Variants in PPP1R13L observed in about 807,000 individuals in gnomAD.
PPP1R13L encodes relA-associated inhibitor.
Under a neutral mutation model 80.9 loss-of-function variants are expected in PPP1R13L, and 50 were observed. The observed-to-expected ratio is 0.62, with a 90% CI of 0.49 to 0.78. The LOEUF is 0.78. Among genes scored for constraint, PPP1R13L ranks in the 30% least tolerant of loss-of-function variants. The pLI, the probability that PPP1R13L is intolerant of heterozygous loss-of-function variation, is 0.00. For missense variants in PPP1R13L, 1,200 were observed against 1,205.9 expected (o/e 1.00, Z 0.07); for synonymous variants, 602 against 534.3 (o/e 1.13, Z -1.75).
chr19:45,395,272 G>T, intron 7 of PPP1R13L, 164 bp downstream of exon 7: 1 of 919,554 alleles, frequency 1.1e-6, no homozygotes, highest in Non-Finnish European at 1.7e-6. Context: ...GCTATCCCTG[G>T]CTCCTACCCA....
chr19:45,389,354 C>T (rs533757681), intron 8 of PPP1R13L, among the ~76,000 whole-genome samples: 16 of 152,250 alleles, frequency 1.1e-4, no homozygotes, highest in South Asian at 8.3e-4. Context: ...CCGCTGTCTA[C>T]GCACACGGAG....
chr19:45,404,925 C>T (rs1289151245), intron 1 of PPP1R13L, 74 bp downstream of exon 1: 1 of 921,234 alleles, frequency 1.1e-6, no homozygotes, highest in East Asian at 1.2e-4. Flanking sequence ...CGTCCGAGTC[C>T]CCTCCCAATC....
chr19:45,391,198 GAA>G (rs35572673), intron 8 of PPP1R13L, among the ~76,000 whole-genome samples: 1,682 of 143,850 alleles, frequency 0.012, 24 homozygotes, highest in African/African-American at 0.039. Context: ...ACTCTGCCTG[GAA>G]AAAAAAAAAA....
At position 45,380,179 on chromosome 19, in the gene PPP1R13L, CT is replaced by C; in HGVS notation, c.*10del. ...TGTTTCTGTCAGCCTCAGAAACCTC[CT>C]TCTATCCTGCTAGACTTTACTCCTT... On this transcript the variant is annotated 3_prime_UTR_variant, in exon 13 of 13. Coordinates refer to ENST00000360957, the MANE Select transcript of PPP1R13L (RefSeq NM_006663.4). The C allele has an allele frequency of 6.2e-7, 1 of 1,613,902 alleles. No individual in the cohort carries two copies. Among genetic ancestry groups the C allele is most frequent in the Non-Finnish European group, 8.5e-7 (1 of 1,179,884 alleles).
chr19:45,399,273 G>A (rs1324904026), intron 1 of PPP1R13L, among the ~76,000 whole-genome samples: 2 of 149,356 alleles, frequency 1.3e-5, no homozygotes, highest in African/African-American at 4.9e-5. Context: ...TAATTCTGCT[G>A]TCTGCTGTGT....
upstream of PPP1R13L, among the ~76,000 whole-genome samples, chr19:45,405,847 GT>G (rs1262797710): frequency 1.3e-5 from 2 of 152,208 alleles, no homozygotes; most frequent in Non-Finnish European, 2.9e-5. Context: ...GGCGGCCCCA[GT>G]GGGAAGGGAA....
In PPP1R13L at chr19:45,396,988, G is replaced by C. The variant is rs767527061; in HGVS notation, c.269C>G (p.Thr90Ser). Residue 90 changes from threonine (T) to serine (S), a missense_variant, in exon 4 of 13, where the codon ACC becomes AGC. Physicochemically the swap from Thr to Ser is moderately conservative, Grantham distance 58. Transcript: ENST00000360957. This position sits in a 1 kb window ranked among gnomAD's most constrained non-coding sequence, Gnocchi z 5.3. The part of the protein sequence containing the change: ...GSRGSPRKAA[T>S]DGADTPFGRS... ...TCCGAACGGGGTGTCTGCGCCGTCG[G>C]TGGCCGCCTTCCGGGGGGACCCTCG... 3 of 1,381,994 alleles carry C rather than the reference G, an allele frequency of 2.2e-6. No homozygotes were observed. Among genetic ancestry groups the C allele is most frequent in the Non-Finnish European group, 2.8e-6 (3 of 1,068,480 alleles). 85.6% of individuals were successfully genotyped at this position (1,381,994 alleles called of 1,614,324 possible). A position where few individuals can be genotyped will look rare whatever the true frequency, so the allele number is the denominator to read the frequency against.
intron 11 of PPP1R13L, 35 bp downstream of exon 11, chr19:45,385,527 C>A (rs1489312991): frequency 6.3e-7 from 1 of 1,583,540 alleles, no homozygotes; most frequent in Non-Finnish European, 8.6e-7. Context: ...TGCGCACCCG[C>A]CAGGTACCCA....
Position 45,396,442 on chromosome 19 carries a change from G to C in PPP1R13L, c.713-6C>G, listed in dbSNP as rs914297692. The C allele has an allele frequency of 3.1e-6, 5 of 1,613,978 alleles. No homozygotes were observed. Among genetic ancestry groups the C allele is most frequent in the Non-Finnish European group, 2.5e-6 (3 of 1,179,952 alleles). ...CCGGCGCAGCGTCAGGTCGTCTGGG[G>C]AGAAGTTTCCAGGGAGGATGAGACG... On this transcript the variant is annotated splice_polypyrimidine_tract_variant and splice_region_variant and intron_variant, in intron 4 of 12. Transcript: ENST00000360957. The surrounding 1 kb of genome is among the most constrained non-coding windows in gnomAD (Gnocchi z 5.3).
Position 45,392,259 on chromosome 19 carries a change from A to G in PPP1R13L, c.1436T>C (p.Val479Ala), listed in dbSNP as rs113772708. ...AGGCCTTGCTACAGGGCCTTCATCC[A>G]CATCGCCAGCCTCCAGCACTGGTGT... Reference protein sequence around the residue: ...LLTPVLEAGDVDEGPVARPLS... With the variant: ...LLTPVLEAGDADEGPVARPLS... Residue 479 changes from valine (V) to alanine (A), a missense_variant, in exon 8 of 13, where the codon GTG (valine) becomes GCG (alanine). Transcript: ENST00000360957. 56 of 1,613,318 alleles carry G rather than the reference A, an allele frequency of 3.5e-5. 4 individuals are homozygous for G. Among genetic ancestry groups the G allele is most frequent in the African/African-American group, 3.2e-4 (24 of 75,038 alleles).
At chr19:45,386,251 CAG>C in intron 8 of PPP1R13L, 71 bp from the exon 9 acceptor site, 1 of 1,425,458 alleles carries the variant, frequency 7.0e-7, no homozygotes, top group Non-Finnish European at 9.1e-7. Flanking sequence ...GAGTAGGAAA[CAG>C]AGGTCCAGGG....
intron 1 of PPP1R13L, among the ~76,000 whole-genome samples, chr19:45,403,252 A>G (rs1453358168): frequency 6.6e-6 from 1 of 152,212 alleles, no homozygotes; most frequent in African/African-American, 2.4e-5. Context: ...GCTGTTCATT[A>G]TAATAACACA....
At chr19:45,398,206 C>A in intron 2 of PPP1R13L, 58 bp downstream of exon 2, 2 of 1,612,958 alleles carry the variant, frequency 1.2e-6, no homozygotes, top group Non-Finnish European at 1.7e-6. Flanking sequence ...GGCCTCAGCA[C>A]CCCTCGCCCG....
At chr19:45,406,101 C>T (rs1276907394), upstream of PPP1R13L, 2 of 172,906 alleles carry the variant, frequency 1.2e-5, no homozygotes, top group Non-Finnish European at 2.3e-5. The surrounding 1 kb of genome is among the most constrained non-coding windows in gnomAD (Gnocchi z 4.2). Context: ...AAGCTCCTCC[C>T]CCTATGTTTC....
chr19:45,385,919 A>C lies in PPP1R13L; in HGVS notation c.1986T>G (p.Thr662=). The change falls in exon 10 of 13, where the codon ACT becomes ACG. Residue 662 remains threonine, a synonymous_variant. Transcript: ENST00000360957. ...CGCCGCAGATGGCGTTGTGCAAGGC[A>C]GTGATGCCCTCCTCGTTGGGCTGGC... ...DPSQPNEEGI[T]ALHNAICGAN... 6.2e-7 allele frequency: 1 copy of C among 1,612,324 alleles called. No individual in the cohort carries two copies. Among genetic ancestry groups the C allele is most frequent in the Non-Finnish European group, 8.5e-7 (1 of 1,179,398 alleles).
At chr19:45,387,961 G>T (rs1300083731) in intron 8 of PPP1R13L, among the ~76,000 whole-genome samples, 1 of 152,062 alleles carries the variant, frequency 6.6e-6, no homozygotes, top group Non-Finnish European at 1.5e-5. Flanking sequence ...GGTCAGGCAG[G>T]AGTTCAAGAC....
rs1236850573 is a variant in PPP1R13L, at chr19:45,392,179, C to T, written c.1516G>A (p.Glu506Lys). 3.1e-6 allele frequency: 5 copies of T among 1,608,450 alleles called. No individual in the cohort carries two copies. Among genetic ancestry groups the T allele is most frequent in the East Asian group, 2.2e-5 (1 of 44,786 alleles). The change falls in exon 8 of 13, where the codon GAG becomes AAG. Residue 506 changes from glutamate to lysine, a missense_variant. Coordinates refer to ENST00000360957, the MANE Select transcript of PPP1R13L (RefSeq NM_006663.4). ...ALPPEAQSVP[E>K]LEEVARVLAE... ...AACACCCGTGCCACCTCCTCCAGCT[C>T]GGGCACCGACTGTGCCTCCGGTGGC... is the stretch of plus-strand genomic sequence containing the variant.
intron 12 of PPP1R13L, 64 bp from the exon 13 acceptor site, chr19:45,380,292 G>T (rs373984248): frequency 8.2e-6 from 13 of 1,580,492 alleles, no homozygotes; most frequent in South Asian, 7.8e-5. Flanking sequence ...ATGCAAATCC[G>T]CTGCCTGTCT....
In PPP1R13L at chr19:45,379,954, T is replaced by A. The variant is rs1972731101; in HGVS notation, c.*236A>T. 2.3e-6 allele frequency: 1 copy of A among 444,360 alleles called. No homozygotes were observed. The highest frequency in any genetic ancestry group is 2.0e-5 in the African/African-American group (1 of 49,624). 27.5% of individuals were successfully genotyped at this position (444,360 alleles called of 1,614,324 possible). ...GATTTGGCAAAAGGAAGTGGTTTCC[T>A]GTCCCCAGTGATTTCCAGCCCTTCC... On this transcript the variant is annotated 3_prime_UTR_variant, in exon 13 of 13. Coordinates refer to ENST00000360957, the MANE Select transcript of PPP1R13L (RefSeq NM_006663.4).
Sources: gnomAD v4.1 joint callset for allele counts (sites outside exome capture counted in the v4.1 genomes callset) on GRCh38, gnomAD v4.1.1 for gene constraint, Gnocchi (gnomAD v3.1) non-coding constraint, MANE v1.5 for transcripts, NCBI Gene and HGNC (gene_info 2026-07-23, HGNC 2026-07-21) for gene names.